Variants in RARB observed in about 807,000 individuals in gnomAD.
RARB encodes retinoic acid receptor beta, also known as HBV-activated protein.
RARB carries 17 observed loss-of-function variants against 51.9 expected under a neutral mutation model. The observed-to-expected ratio is 0.33, with a 90% CI of 0.22 to 0.49. The LOEUF (loss-of-function observed/expected upper bound fraction) is 0.49, where lower values mean the gene tolerates loss of function less well. Among genes scored for constraint, RARB ranks in the 20% least tolerant of loss-of-function variants. The pLI, the probability that RARB is intolerant of heterozygous loss-of-function variation, is 0.99. For synonymous variants in RARB, 215 were observed against 195.4 expected (o/e 1.10, Z -0.84); for missense variants, 369 against 550.8 (o/e 0.67, Z 3.30).
chr3:25,238,346 A>G lies in RARB; in HGVS notation c.178+63771A>G, dbSNP rs144852161. On this transcript the variant is annotated intron_variant, in intron 5 of 11. Transcript: ENST00000383772. The stretch of plus-strand genomic sequence containing the variant: ...AAATGACATGATTTTATTGTTTTGT[A>G]TGGCCAAATAGTATTCCATTATATA... Among the ~76,000 whole-genome samples, 418 of 152,258 alleles carry G rather than the reference A, an allele frequency of 2.7e-3. 2 individuals are homozygous for G. Among genetic ancestry groups the G allele is most frequent in the African/African-American group, 9.7e-3 (402 of 41,558 alleles).
intron 2 of RARB, among the ~76,000 whole-genome samples, chr3:25,035,080 ATT>A (rs1170168749): frequency 6.6e-6 from 1 of 152,194 alleles, no homozygotes; most frequent in African/African-American, 2.4e-5. Context: ...AGCTGTTTCA[ATT>A]TATTTAACCC....
At chr3:25,070,855 G>C (rs1285342720) in intron 3 of RARB, among the ~76,000 whole-genome samples, 2 of 152,158 alleles carry the variant, frequency 1.3e-5, no homozygotes, top group African/African-American at 4.8e-5. Flanking sequence ...AACATGCCCA[G>C]TGTACTAGTA....
chr3:25,257,776 TC>T (rs1702902174), intron 5 of RARB, among the ~76,000 whole-genome samples: 1 of 152,074 alleles, frequency 6.6e-6, no homozygotes, highest in East Asian at 1.9e-4. Context: ...TTCTATCTCT[TC>T]CAGGCTCCTT....
At chr3:25,437,950 AC>A (rs781411608) in intron 1 of RARB, among the ~76,000 whole-genome samples, 18 of 152,192 alleles carry the variant, frequency 1.2e-4, no homozygotes, top group Admixed American at 2.6e-4. Flanking sequence ...TGTGTAACAA[AC>A]CATCCCAAAA....
chr3:25,140,973 A>G (rs1289221479), intron 4 of RARB, among the ~76,000 whole-genome samples: 1 of 152,148 alleles, frequency 6.6e-6, no homozygotes, highest in Non-Finnish European at 1.5e-5. Flanking sequence ...ATGCTGATGC[A>G]CACTTAATAT....
At chr3:25,046,011 T>C (rs940336345) in intron 2 of RARB, among the ~76,000 whole-genome samples, 2 of 152,258 alleles carry the variant, frequency 1.3e-5, no homozygotes, top group Non-Finnish European at 2.9e-5. Flanking sequence ...ATTAGAAATC[T>C]GTCATACCCA....
At chr3:24,896,313 G>T (rs915609470) in intron 2 of RARB, among the ~76,000 whole-genome samples, 1 of 152,132 alleles carries the variant, frequency 6.6e-6, no homozygotes, top group African/African-American at 2.4e-5. Flanking sequence ...AGGCTGGAGT[G>T]CCGTGGCGTG....
intron 4 of RARB, among the ~76,000 whole-genome samples, chr3:25,141,417 T>C (rs982110882): frequency 1.3e-5 from 2 of 152,222 alleles, no homozygotes; most frequent in Non-Finnish European, 2.9e-5. Flanking sequence ...CTATTTGGGC[T>C]GACCCAATTT....
At chr3:25,260,993 A>C (rs13074533) in intron 5 of RARB, among the ~76,000 whole-genome samples, 3 of 152,116 alleles carry the variant, frequency 2.0e-5, no homozygotes, top group Non-Finnish European at 4.4e-5. Context: ...AAGTCACTTA[A>C]CCTATGTTTC....
At chr3:25,069,061 C>T (rs769132147) in intron 3 of RARB, among the ~76,000 whole-genome samples, 7 of 150,862 alleles carry the variant, frequency 4.6e-5, no homozygotes, top group Non-Finnish European at 8.8e-5. Context: ...ACCTCCCATA[C>T]TCATCATGGT....
intron 5 of RARB, among the ~76,000 whole-genome samples, chr3:25,314,518 C>A (rs322703): frequency 0.26 from 39,143 of 151,994 alleles, 5,245 homozygotes; most frequent in Admixed American, 0.34. Flanking sequence ...TCATCAGTTT[C>A]TTGGGGTTAA....
intron 5 of RARB, among the ~76,000 whole-genome samples, chr3:25,278,703 G>GC (rs1703451836): frequency 6.6e-6 from 1 of 152,168 alleles, no homozygotes; most frequent in African/African-American, 2.4e-5. Context: ...CAAAATAGCA[G>GC]CCCCGTTACA....
At chr3:25,518,630 C>A (rs1386977878) in intron 3 of RARB, among the ~76,000 whole-genome samples, 1 of 152,080 alleles carries the variant, frequency 6.6e-6, no homozygotes, top group African/African-American at 2.4e-5. Context: ...AAGATGGCTT[C>A]CTCAAAACAA....
At chr3:24,831,278 T>C (rs1368961236) in intron 1 of RARB, among the ~76,000 whole-genome samples, 2 of 152,202 alleles carry the variant, frequency 1.3e-5, no homozygotes, top group Non-Finnish European at 2.9e-5. Context: ...ATGAAGGCTT[T>C]ACAAGAACTT....
chr3:24,981,595 C>T (rs1040441375), intron 2 of RARB, among the ~76,000 whole-genome samples: 5 of 151,740 alleles, frequency 3.3e-5, no homozygotes, highest in Non-Finnish European at 7.3e-5. Flanking sequence ...CCGAGCCAGG[C>T]ACAGGAGGGA....
chr3:24,925,198 G>T (rs1695290897), intron 2 of RARB, among the ~76,000 whole-genome samples: 1 of 151,960 alleles, frequency 6.6e-6, no homozygotes, highest in Admixed American at 6.6e-5. Context: ...TTTACTAAAG[G>T]AAAGAATATG....
intron 5 of RARB, among the ~76,000 whole-genome samples, chr3:25,393,904 A>G (rs759255613): frequency 2.0e-5 from 3 of 151,618 alleles, no homozygotes; most frequent in Non-Finnish European, 4.4e-5. Context: ...TGTTGTTTCA[A>G]TTTCATTTAG....
At chr3:25,447,949 T>A (rs1483176871) in intron 1 of RARB, among the ~76,000 whole-genome samples, 1 of 152,108 alleles carries the variant, frequency 6.6e-6, no homozygotes, top group Non-Finnish European at 1.5e-5. Flanking sequence ...CATGATACAA[T>A]AATGATAATA....
At chr3:25,242,875 T>G (rs886993000) in intron 5 of RARB, among the ~76,000 whole-genome samples, 1 of 152,234 alleles carries the variant, frequency 6.6e-6, no homozygotes, top group Non-Finnish European at 1.5e-5. Flanking sequence ...GAGAATAGCA[T>G]TGAATCTATC....
Sources: allele counts gnomAD v4.1 joint callset (sites outside exome capture counted in the v4.1 genomes callset), GRCh38; gene constraint gnomAD v4.1.1; transcripts MANE v1.5; gene names NCBI Gene and HGNC (gene_info 2026-07-23, HGNC 2026-07-21).